The following KAZN variants were observed in gnomAD, a reference collection of about 807,000 sequenced individuals.
The protein encoded by KAZN is kazrin, periplakin interacting protein.
KAZN carries 40 observed loss-of-function variants against 87.4 expected under a neutral mutation model. That is an observed-to-expected ratio of 0.46 (90% CI 0.36 to 0.60). The LOEUF is 0.60. Among genes scored for constraint, KAZN ranks in the 20% least tolerant of loss-of-function variants. KAZN has a pLI of 0.00. For synonymous variants in KAZN, 466 were observed against 458.3 expected, an observed-to-expected ratio of 1.02 and a Z score of -0.22; for missense variants, 898 against 1,073.9, an observed-to-expected ratio of 0.84 and a Z score of 2.29.
intron 1 of KAZN, among the ~76,000 whole-genome samples, chr1:14,089,481 T>C (rs1168433254): frequency 1.3e-5 from 2 of 152,112 alleles, no homozygotes; most frequent in African/African-American, 4.8e-5. Context: ...TATTCTGGGG[T>C]TTAAAATATA....
At chr1:14,163,114 G>A (rs1645746690) in intron 1 of KAZN, among the ~76,000 whole-genome samples, 1 of 151,990 alleles carries the variant, frequency 6.6e-6, no homozygotes, top group Admixed American at 6.6e-5. Context: ...AATCTGTATG[G>A]GTCTGCAGCA....
intron 2 of KAZN, among the ~76,000 whole-genome samples, chr1:14,271,699 T>G (rs1651946587): frequency 6.6e-6 from 1 of 152,228 alleles, no homozygotes; most frequent in African/African-American, 2.4e-5. Flanking sequence ...AGTTTTTGTC[T>G]CTAAATCTTA....
rs369362414 is a variant in KAZN, at chr1:15,060,130, G to T, written c.917-42G>T. ...CCGCCAAGGCAGCACAGGCGAGGAC[G>T]TTCTCTCCATCCCTCACTCACCAGC... On this transcript the variant is annotated intron_variant, in intron 5 of 14. Transcript: ENST00000376030. 5 of 1,611,338 alleles carry T rather than the reference G, an allele frequency of 3.1e-6. No homozygotes were observed. In the African/African-American group the frequency reaches 6.7e-5, roughly 22 times the overall value.
intron 1 of KAZN, among the ~76,000 whole-genome samples, chr1:14,009,013 T>C (rs1640163534): frequency 6.6e-6 from 1 of 152,244 alleles, no homozygotes; most frequent in Non-Finnish European, 1.5e-5. Flanking sequence ...TTTCTGTCTC[T>C]ATGATTTTGG....
rs573994260 is a variant in KAZN at position 14,781,704 on chromosome 1, G to A, written c.227-178980G>A. ...ACCCATCAAGAGGCCGGGGGCAGTGGCTCACGCCTGTAATCCCAGCCCAGC... is the reference window on the plus strand; with the variant it reads ...ACCCATCAAGAGGCCGGGGGCAGTGACTCACGCCTGTAATCCCAGCCCAGC... On this transcript the variant is annotated intron_variant, in intron 1 of 14. Transcript: ENST00000376030. Among the ~76,000 whole-genome samples the A allele has an allele frequency of 1.3e-4, 20 of 152,210 alleles. No homozygotes were observed. In the East Asian group the frequency reaches 3.9e-3, roughly 29 times the overall value.
rs1414838282 is a variant in KAZN, at chr1:15,021,930, T to C, written c.419-12819T>C. Among the ~76,000 whole-genome samples, 1 of 151,824 alleles carries C rather than the reference T, an allele frequency of 6.6e-6. No individual in the cohort carries two copies. Among genetic ancestry groups the C allele is most frequent in the Non-Finnish European group, 1.5e-5 (1 of 67,950 alleles). ...AATCATGGCGGAAGGCAAAAGACAC[T>C]TCTTACATGGTGGCAGCAAGATAGA... On this transcript the variant is annotated intron_variant, in intron 2 of 14. Transcript: ENST00000376030. This position sits in a 1 kb window ranked among gnomAD's most constrained non-coding sequence, Gnocchi z 4.2.
intron 1 of KAZN, among the ~76,000 whole-genome samples, chr1:14,088,482 G>C (rs1643902327): frequency 6.6e-6 from 1 of 151,816 alleles, no homozygotes; most frequent in African/African-American, 2.4e-5. Context: ...TTTTAATTCA[G>C]TTCCATTGTG....
intron 1 of KAZN, among the ~76,000 whole-genome samples, chr1:14,072,793 G>T (rs992453484): frequency 3.3e-5 from 5 of 152,078 alleles, no homozygotes; most frequent in Non-Finnish European, 7.4e-5. Context: ...TCCCTCCTGC[G>T]ATGTGTAAGG....
intron 1 of KAZN, among the ~76,000 whole-genome samples, chr1:14,636,525 A>T (rs1186094900): frequency 6.6e-6 from 1 of 152,198 alleles, no homozygotes. Context: ...GCAGCGGCTG[A>T]CACGGAACAC....
intron 2 of KAZN, among the ~76,000 whole-genome samples, chr1:14,415,858 A>G (rs572642084): frequency 1.3e-5 from 2 of 152,106 alleles, no homozygotes; most frequent in African/African-American, 4.8e-5. Context: ...TTCTGGAAAA[A>G]ATGTACTTGA....
chr1:14,353,257 CTG>C (rs1323114323), intron 2 of KAZN, among the ~76,000 whole-genome samples: 1 of 146,992 alleles, frequency 6.8e-6, no homozygotes, highest in African/African-American at 2.5e-5. Context: ...CGGAGTCTGG[CTG>C]TGTCACCCAG....
chr1:14,075,108 C>G (rs1043766912), intron 1 of KAZN, among the ~76,000 whole-genome samples: 5 of 152,104 alleles, frequency 3.3e-5, no homozygotes, highest in African/African-American at 9.7e-5. Flanking sequence ...ATATTTGGCT[C>G]ATATTGCTAA....
intron 2 of KAZN, among the ~76,000 whole-genome samples, chr1:14,209,701 T>C (rs759324523): frequency 3.9e-5 from 6 of 152,224 alleles, no homozygotes; most frequent in Non-Finnish European, 8.8e-5. Context: ...AATATCAGGA[T>C]AACAGTTCAT....
intron 1 of KAZN, among the ~76,000 whole-genome samples, chr1:14,927,401 G>A (rs1659287204): frequency 6.6e-6 from 1 of 152,184 alleles, no homozygotes; most frequent in South Asian, 2.1e-4. Flanking sequence ...GAGATTTCCA[G>A]TAGGCAAATA....
At chr1:14,829,088 G>A (rs1646981913) in intron 1 of KAZN, among the ~76,000 whole-genome samples, 2 of 152,186 alleles carry the variant, frequency 1.3e-5, no homozygotes, top group African/African-American at 4.8e-5. Context: ...TGAGTATACT[G>A]TTACTCTGAA....
chr1:14,719,581 G>T (rs948649453), intron 1 of KAZN, among the ~76,000 whole-genome samples: 1 of 152,252 alleles, frequency 6.6e-6, no homozygotes, highest in Non-Finnish European at 1.5e-5. Context: ...GCTCACACTT[G>T]TAATCCGAGC....
chr1:14,652,422 T>C (rs1282669268), intron 1 of KAZN, among the ~76,000 whole-genome samples: 2 of 138,166 alleles, frequency 1.4e-5, no homozygotes, highest in South Asian at 2.4e-4. Flanking sequence ...CATATATTTA[T>C]GTGTTGGTTC....
At chr1:15,073,400 G>A (rs919029017) in intron 8 of KAZN, among the ~76,000 whole-genome samples, 36 of 152,326 alleles carry the variant, frequency 2.4e-4, no homozygotes, top group African/African-American at 7.0e-4. Flanking sequence ...GGGTGGCAGC[G>A]TAGTGCCCGT....
At chr1:14,016,573 C>T (rs945127819) in intron 1 of KAZN, among the ~76,000 whole-genome samples, 7 of 151,818 alleles carry the variant, frequency 4.6e-5, no homozygotes, top group Non-Finnish European at 2.9e-5. Context: ...ACTGTGGGCT[C>T]CCAGTGAAAT....
Sources: allele counts gnomAD v4.1 joint callset (sites outside exome capture counted in the v4.1 genomes callset), GRCh38; gene constraint gnomAD v4.1.1; non-coding constraint Gnocchi (gnomAD v3.1); transcripts MANE v1.5; gene names NCBI Gene and HGNC (gene_info 2026-07-23, HGNC 2026-07-21).